The following ERAP1 variants were observed in gnomAD, a reference collection of about 807,000 sequenced individuals.
ERAP1 encodes the protein endoplasmic reticulum aminopeptidase 1.
In ERAP1, 86 loss-of-function variants were observed where a neutral mutation model predicts 103.7. That is an observed-to-expected ratio of 0.83 (90% CI 0.70 to 0.99). The LOEUF is 0.99. ERAP1 is among the 50% of genes least tolerant of loss of function. The pLI is 0.00. For missense variants in ERAP1, 1,009 were observed against 1,128.4 expected (o/e 0.89, Z 1.52); for synonymous variants, 398 against 402.4 (o/e 0.99, Z 0.13).
the ERAP1 span, among the ~76,000 whole-genome samples, chr5:96,892,939 T>C: frequency 6.6e-6 from 1 of 152,184 alleles, no homozygotes; most frequent in Non-Finnish European, 1.5e-5. Context: ...TACCTAACTC[T>C]CTGAAGTTCA....
chr5:96,924,582 C>A, the ERAP1 span, among the ~76,000 whole-genome samples: 12 of 151,614 alleles, frequency 7.9e-5, no homozygotes, highest in Non-Finnish European at 1.5e-4. Context: ...AAGTCAATAA[C>A]AATTCGGGCT....
At chr5:96,770,728 C>A, downstream of ERAP1, 2 of 621,560 alleles carry the variant, frequency 3.2e-6, no homozygotes, top group Admixed American at 2.6e-5. Context: ...TACTATCTAT[C>A]CCATAGCATC....
At chr5:96,848,311 A>G in the ERAP1 span, among the ~76,000 whole-genome samples, 1 of 152,214 alleles carries the variant, frequency 6.6e-6, no homozygotes, top group African/African-American at 2.4e-5. Context: ...TCAGCCTCCC[A>G]AAGTACTGGG....
chr5:96,886,206 G>T, the ERAP1 span, among the ~76,000 whole-genome samples: 1 of 152,156 alleles, frequency 6.6e-6, no homozygotes, highest in African/African-American at 2.4e-5. Flanking sequence ...AAAAGATAAT[G>T]TGCAGCCTCT....
At chr5:96,773,603 A>G (rs753171767), downstream of ERAP1, 5 of 151,750 alleles carry the variant, frequency 3.3e-5, no homozygotes, top group African/African-American at 9.7e-5. Context: ...TAAAAAAATT[A>G]TATATATATA....
the ERAP1 span, among the ~76,000 whole-genome samples, chr5:96,830,409 A>T: frequency 6.6e-6 from 1 of 152,346 alleles, no homozygotes; most frequent in Non-Finnish European, 1.5e-5. Context: ...AAAAAACTGT[A>T]GCATGGTGCA....
intron 19 of ERAP1, chr5:96,765,378 CT>C: frequency 3.5e-6 from 3 of 853,552 alleles, no homozygotes; most frequent in Non-Finnish European, 5.6e-6. Context: ...AATTTTAATC[CT>C]TGGGTCTTGA....
the ERAP1 span, among the ~76,000 whole-genome samples, chr5:96,829,779 A>T: frequency 6.6e-6 from 1 of 152,224 alleles, no homozygotes; most frequent in African/African-American, 2.4e-5. Context: ...CAAAAGGCAA[A>T]GGGTACAAAA....
chr5:96,855,953 C>G, the ERAP1 span, among the ~76,000 whole-genome samples: 8 of 152,034 alleles, frequency 5.3e-5, no homozygotes, highest in African/African-American at 1.9e-4. Context: ...TGGCCACGAC[C>G]AAATTGCTGG....
At chr5:96,797,077 C>T (rs569471306) in intron 4 of ERAP1, 98 bp downstream of exon 4, 212 of 1,439,194 alleles carry the variant, frequency 1.5e-4, no homozygotes, top group Middle Eastern at 3.5e-4. Context: ...TGGGTTTACA[C>T]GCACGACCCA....
the ERAP1 span, among the ~76,000 whole-genome samples, chr5:96,917,121 A>G: frequency 6.6e-6 from 1 of 152,012 alleles, no homozygotes. Flanking sequence ...TTGTTTCTTT[A>G]TTTTTGAAAC....
chr5:96,816,579 C>A, the ERAP1 span, among the ~76,000 whole-genome samples: 1 of 152,176 alleles, frequency 6.6e-6, no homozygotes, highest in Non-Finnish European at 1.5e-5. Context: ...ATGCCATTAA[C>A]ATAACATTAG....
At chr5:96,873,229 T>G in the ERAP1 span, 2 of 393,778 alleles carry the variant, frequency 5.1e-6, no homozygotes, top group Non-Finnish European at 5.1e-6. Flanking sequence ...TTTAAAATAT[T>G]TTGACAATAA....
the ERAP1 span, among the ~76,000 whole-genome samples, chr5:96,819,531 G>C: frequency 6.6e-6 from 1 of 152,128 alleles, no homozygotes; most frequent in Admixed American, 6.5e-5. Context: ...GTGAGAGAGA[G>C]AGAGAAAATA....
chr5:96,860,427 T>A, the ERAP1 span, among the ~76,000 whole-genome samples: 1 of 152,180 alleles, frequency 6.6e-6, no homozygotes, highest in Admixed American at 6.5e-5. Context: ...ATATTTATAA[T>A]GATAAATTAG....
upstream of ERAP1, among the ~76,000 whole-genome samples, chr5:96,811,618 T>G (rs1409839432): frequency 6.6e-6 from 1 of 152,218 alleles, no homozygotes; most frequent in African/African-American, 2.4e-5. Flanking sequence ...CTTTTTGATT[T>G]AGCCAGTTGG....
At chr5:96,850,749 T>C in the ERAP1 span, among the ~76,000 whole-genome samples, 1 of 152,210 alleles carries the variant, frequency 6.6e-6, no homozygotes. Context: ...TGTATAATTA[T>C]TGTCAATTAA....
the ERAP1 span, among the ~76,000 whole-genome samples, chr5:96,851,130 C>A: frequency 6.6e-6 from 1 of 152,072 alleles, no homozygotes; most frequent in South Asian, 2.1e-4. Context: ...TAATTAAAAG[C>A]CCAGGATAAT....
At chr5:96,867,935 T>G in the ERAP1 span, among the ~76,000 whole-genome samples, 1 of 151,682 alleles carries the variant, frequency 6.6e-6, no homozygotes, top group East Asian at 1.9e-4. Context: ...TGAGCCAGGT[T>G]TGGTGGCGAG....
Sources: gnomAD v4.1 joint callset for allele counts (sites outside exome capture counted in the v4.1 genomes callset) on GRCh38, gnomAD v4.1.1 for gene constraint, MANE v1.5 for transcripts, NCBI Gene and HGNC (gene_info 2026-07-23, HGNC 2026-07-21) for gene names.